GABRB1: variants seen among roughly 807,000 people sequenced by gnomAD.
The protein encoded by GABRB1 is gamma-aminobutyric acid type A receptor subunit beta1.
GABRB1 carries 17 observed loss-of-function variants against 51.6 expected under a neutral mutation model. The observed-to-expected ratio is 0.33, with a 90% CI of 0.23 to 0.49. GABRB1 has a LOEUF of 0.49. GABRB1 is among the 20% of genes least tolerant of loss of function. The probability of loss-of-function intolerance (pLI) is 0.99; values close to 1 mark genes in which losing one functional copy is unlikely to be tolerated. For missense variants in GABRB1, 410 were observed against 600.6 expected (o/e 0.68, Z 3.32); for synonymous variants, 247 against 218.9 (o/e 1.13, Z -1.14).
chr4:47,346,253 A>G (rs534106600), intron 5 of GABRB1, among the ~76,000 whole-genome samples: 1 of 152,306 alleles, frequency 6.6e-6, no homozygotes, highest in South Asian at 2.1e-4. Context: ...GTTCTATGAT[A>G]AAAGAGATGA....
intron 3 of GABRB1, among the ~76,000 whole-genome samples, chr4:47,094,756 T>A (rs1577903011): frequency 6.8e-6 from 1 of 146,770 alleles, no homozygotes; most frequent in East Asian, 2.0e-4. Flanking sequence ...CCCATGAACT[T>A]AAAGGTAAAA....
chr4:47,354,976 C>CTTTTT (rs1553877819), intron 5 of GABRB1, among the ~76,000 whole-genome samples: 75 of 82,446 alleles, frequency 9.1e-4, no homozygotes, highest in South Asian at 1.4e-3. Context: ...TTCTTTCTTC[C>CTTTTT]TTTGTTTTTT....
chr4:47,371,823 A>G (rs1387065199), intron 5 of GABRB1, among the ~76,000 whole-genome samples: 2 of 152,116 alleles, frequency 1.3e-5, no homozygotes, highest in East Asian at 3.9e-4. Flanking sequence ...AGTTCCTTGT[A>G]GACTCTGGAT....
At chr4:47,165,016 A>G (rs1718112883) in intron 4 of GABRB1, among the ~76,000 whole-genome samples, 1 of 152,006 alleles carries the variant, frequency 6.6e-6, no homozygotes, top group South Asian at 2.1e-4. Context: ...TAAATAAAGA[A>G]CGTCCATGAT....
At chr4:47,243,205 G>C (rs1721600507) in intron 4 of GABRB1, among the ~76,000 whole-genome samples, 1 of 152,096 alleles carries the variant, frequency 6.6e-6, no homozygotes, top group South Asian at 2.1e-4. Context: ...TAGATGTGTG[G>C]TATTATTTCT....
At chr4:47,158,893 T>C (rs1307502906) in intron 3 of GABRB1, among the ~76,000 whole-genome samples, 1 of 152,100 alleles carries the variant, frequency 6.6e-6, no homozygotes, top group African/African-American at 2.4e-5. Context: ...AATTTATTTG[T>C]TTAGCATGTT....
At chr4:47,138,116 C>G (rs1025130240) in intron 3 of GABRB1, among the ~76,000 whole-genome samples, 8 of 151,990 alleles carry the variant, frequency 5.3e-5, no homozygotes, top group Admixed American at 2.0e-4. Flanking sequence ...CTCCATGAAA[C>G]AAAAAATTGA....
chr4:47,405,973 A>G (rs1728552878), intron 7 of GABRB1, among the ~76,000 whole-genome samples: 1 of 152,202 alleles, frequency 6.6e-6, no homozygotes, highest in African/African-American at 2.4e-5. Context: ...TCAAATTTTT[A>G]AGAAGTTGTT....
chr4:47,324,852 C>T (rs967488325), intron 5 of GABRB1, among the ~76,000 whole-genome samples: 1 of 152,216 alleles, frequency 6.6e-6, no homozygotes, highest in African/African-American at 2.4e-5. Context: ...CACTATCCGA[C>T]CATAATCCTG....
chr4:47,108,204 G>T (rs934130971), intron 3 of GABRB1, among the ~76,000 whole-genome samples: 2 of 151,930 alleles, frequency 1.3e-5, no homozygotes, highest in African/African-American at 4.8e-5. Context: ...TTCTGCAAAA[G>T]GTTTCAGAGG....
At chr4:47,055,436 T>G (rs1936336832) in intron 3 of GABRB1, among the ~76,000 whole-genome samples, 1 of 152,226 alleles carries the variant, frequency 6.6e-6, no homozygotes, top group African/African-American at 2.4e-5. Flanking sequence ...TTACCTGTTT[T>G]AGTGTAGAAG....
chr4:47,005,344 A>AGAGGC (rs1724357100), intron 1 of GABRB1, among the ~76,000 whole-genome samples: 1 of 152,088 alleles, frequency 6.6e-6, no homozygotes, highest in East Asian at 1.9e-4. Flanking sequence ...CGTGAACCCG[A>AGAGGC]GAGGCGGAGC....
At chr4:47,170,610 T>A (rs1295733314) in intron 4 of GABRB1, among the ~76,000 whole-genome samples, 2 of 152,126 alleles carry the variant, frequency 1.3e-5, no homozygotes, top group Non-Finnish European at 2.9e-5. Context: ...TACTGTGAGA[T>A]ATGCTAGGTA....
intron 3 of GABRB1, among the ~76,000 whole-genome samples, chr4:47,056,152 C>T (rs1271044320): frequency 6.6e-6 from 1 of 152,060 alleles, no homozygotes; most frequent in South Asian, 2.1e-4. Context: ...GTACGTCCTG[C>T]CCTCATTGAA....
Position 47,403,175 on chromosome 4 carries a change from C to T in GABRB1, c.545-143C>T, listed in dbSNP as rs1728456532. ...CTAACAAACCATCAGAAATAGCACTCCACATGAGACCTGCATACCACCCTA... is the reference window on the plus strand; with the variant it reads ...CTAACAAACCATCAGAAATAGCACTTCACATGAGACCTGCATACCACCCTA... On this transcript the variant is annotated intron_variant, in intron 5 of 8. Transcript: ENST00000295454. 1.3e-5 allele frequency: 10 copies of T among 768,596 alleles called. No individual in the cohort carries two copies. In the African/African-American group the frequency reaches 1.8e-4, roughly 13 times the overall value. 47.6% of individuals were successfully genotyped at this position (768,596 alleles called of 1,614,324 possible). A position where few individuals can be genotyped will look rare whatever the true frequency, so the allele number is the denominator to read the frequency against.
At chr4:47,049,603 C>T (rs1035594410) in intron 3 of GABRB1, among the ~76,000 whole-genome samples, 1 of 151,984 alleles carries the variant, frequency 6.6e-6, no homozygotes, top group African/African-American at 2.4e-5. Context: ...TTATTATTAC[C>T]ACATAGCTTA....
intron 4 of GABRB1, among the ~76,000 whole-genome samples, chr4:47,233,510 A>G (rs1304729561): frequency 6.6e-6 from 1 of 152,116 alleles, no homozygotes; most frequent in Non-Finnish European, 1.5e-5. Context: ...TACATTTTTA[A>G]CAAAGTTTTT....
At chr4:47,257,839 A>G (rs986258664) in intron 4 of GABRB1, among the ~76,000 whole-genome samples, 1 of 151,956 alleles carries the variant, frequency 6.6e-6, no homozygotes, top group Non-Finnish European at 1.5e-5. Context: ...CAGTCCTACC[A>G]TTATAAAGAT....
intron 4 of GABRB1, among the ~76,000 whole-genome samples, chr4:47,294,006 CA>C (rs1270115237): frequency 6.6e-6 from 1 of 152,108 alleles, no homozygotes; most frequent in East Asian, 1.9e-4. Flanking sequence ...TAACATGCCC[CA>C]AAGCTACAAC....
Sources: allele counts gnomAD v4.1 joint callset (sites outside exome capture counted in the v4.1 genomes callset), GRCh38; gene constraint gnomAD v4.1.1; transcripts MANE v1.5; gene names NCBI Gene and HGNC (gene_info 2026-07-23, HGNC 2026-07-21).